The following ANKRD6 variants were observed in gnomAD, a reference collection of about 807,000 sequenced individuals.
ANKRD6 encodes the protein ankyrin repeat domain 6, also known as ankyrin repeat domain-containing protein 6.
In ANKRD6, 56 loss-of-function variants were observed where a neutral mutation model predicts 82.3. The observed-to-expected ratio is 0.68, with a 90% CI of 0.55 to 0.85. The LOEUF is 0.85. Ranked by LOEUF, ANKRD6 falls within the 40% of genes least tolerant of loss-of-function variation. The probability of loss-of-function intolerance (pLI) is 0.00; values close to 1 mark genes in which losing one functional copy is unlikely to be tolerated. For missense variants in ANKRD6, 852 were observed against 907.6 expected (o/e 0.94, Z 0.79); for synonymous variants, 347 against 352.1 (o/e 0.99, Z 0.16).
chr6:89,466,564 A>G lies in ANKRD6; in HGVS notation c.-144+33189A>G, dbSNP rs568770808. Reference sequence around the variant, plus strand: ...TCTTTGATTATAAAGAAGGCTGAATATTTTGTACGTTTTTAGCCTTTGTAT... The same window carrying G: ...TCTTTGATTATAAAGAAGGCTGAATGTTTTGTACGTTTTTAGCCTTTGTAT... On this transcript the variant is annotated intron_variant, in intron 1 of 15. Transcript: ENST00000339746. Among the ~76,000 whole-genome samples the G allele has an allele frequency of 4.6e-5, 7 of 152,252 alleles. No individual in the cohort carries two copies. The South Asian group carries it at 1.2e-3, about 27-fold the overall frequency.
chr6:89,482,848 A>G (rs567513935), intron 1 of ANKRD6, among the ~76,000 whole-genome samples: 2 of 152,320 alleles, frequency 1.3e-5, no homozygotes, highest in South Asian at 4.1e-4. Context: ...TACCTACTCC[A>G]CTAGGTAGAA....
chr6:89,618,921 G>A (rs992656630), intron 9 of ANKRD6, among the ~76,000 whole-genome samples: 1 of 152,148 alleles, frequency 6.6e-6, no homozygotes, highest in Non-Finnish European at 1.5e-5. Flanking sequence ...AGCAAACACT[G>A]ATTGGCTTTC....
At chr6:89,468,355 G>T (rs944322410) in intron 1 of ANKRD6, among the ~76,000 whole-genome samples, 2 of 152,050 alleles carry the variant, frequency 1.3e-5, no homozygotes, top group African/African-American at 4.8e-5. Flanking sequence ...AATCAGCAGA[G>T]CACAAATCAA....
intron 1 of ANKRD6, among the ~76,000 whole-genome samples, chr6:89,560,011 A>G (rs1452498726): frequency 6.6e-6 from 1 of 152,214 alleles, no homozygotes; most frequent in Non-Finnish European, 1.5e-5. Flanking sequence ...AATGGACATT[A>G]AAGGCCATCT....
At chr6:89,541,111 T>A (rs1330440407) in intron 1 of ANKRD6, among the ~76,000 whole-genome samples, 1 of 152,130 alleles carries the variant, frequency 6.6e-6, no homozygotes, top group Non-Finnish European at 1.5e-5. Flanking sequence ...CTACTCTGGG[T>A]CTTTTGTGGT....
chr6:89,444,650 T>C (rs550982833), intron 1 of ANKRD6, among the ~76,000 whole-genome samples: 1 of 152,334 alleles, frequency 6.6e-6, no homozygotes, highest in East Asian at 1.9e-4. Flanking sequence ...TTTCAAAAAC[T>C]GTTTATTAAT....
At chr6:89,444,359 A>T (rs1228431900) in intron 1 of ANKRD6, among the ~76,000 whole-genome samples, 1 of 152,222 alleles carries the variant, frequency 6.6e-6, no homozygotes, top group Non-Finnish European at 1.5e-5. Flanking sequence ...AAACAGAAAA[A>T]GTTAAAACTT....
intron 14 of ANKRD6, among the ~76,000 whole-genome samples, chr6:89,628,606 A>C (rs1806486065): frequency 6.6e-6 from 1 of 152,088 alleles, no homozygotes. Flanking sequence ...CACCTCTACT[A>C]AGGATACAAA....
At chr6:89,623,827 C>G (rs762536809) in intron 11 of ANKRD6, 45 bp from the exon 12 acceptor site, 4 of 1,568,196 alleles carry the variant, frequency 2.6e-6, no homozygotes, top group South Asian at 1.2e-5. Context: ...GTCAGTCTTG[C>G]AGAGGTCAAA....
intron 1 of ANKRD6, among the ~76,000 whole-genome samples, chr6:89,538,953 C>T (rs565008828): frequency 3.7e-4 from 56 of 152,066 alleles, no homozygotes; most frequent in African/African-American, 1.3e-3. Flanking sequence ...TGACATATTC[C>T]ATAATTTGAT....
intron 4 of ANKRD6, among the ~76,000 whole-genome samples, chr6:89,603,923 G>A (rs1414726840): frequency 1.3e-5 from 2 of 152,218 alleles, no homozygotes; most frequent in African/African-American, 4.8e-5. Flanking sequence ...GGATTGCTAA[G>A]CCCAGGAGGT....
At chr6:89,509,956 C>A (rs1394991300) in intron 1 of ANKRD6, among the ~76,000 whole-genome samples, 1 of 152,212 alleles carries the variant, frequency 6.6e-6, no homozygotes, top group African/African-American at 2.4e-5. Flanking sequence ...CTTTTCAAAG[C>A]TTTCTGTTTT....
chr6:89,623,458 AG>A lies in ANKRD6; in HGVS notation c.947del (p.Arg316LysfsTer89). 1 of 1,610,006 alleles carries A rather than the reference AG, an allele frequency of 6.2e-7. No individual in the cohort carries two copies. Among genetic ancestry groups the A allele is most frequent in the South Asian group, 1.1e-5 (1 of 90,210 alleles). On this transcript the variant is annotated frameshift_variant, in exon 11 of 16. Coordinates refer to ENST00000339746, the MANE Select transcript of ANKRD6 (RefSeq NM_001242809.2). LOFTEE classifies it high-confidence loss of function. The part of the protein sequence containing the change: ...DTPSSEQAVA[R>X]KEEAREEFLS... ...CCCCAGCAGTGAACAGGCTGTGGCC[AG>A]AAAAGAAGAAGCCAGAGAAGAGTTC...
intron 5 of ANKRD6, among the ~76,000 whole-genome samples, chr6:89,607,447 T>A (rs1583698253): frequency 6.6e-6 from 1 of 152,270 alleles, no homozygotes; most frequent in South Asian, 2.1e-4. Context: ...TTAAAGAACA[T>A]CACAAAGAGA....
chr6:89,523,057 C>G (rs547357810), intron 1 of ANKRD6, among the ~76,000 whole-genome samples: 1 of 152,232 alleles, frequency 6.6e-6, no homozygotes, highest in East Asian at 1.9e-4. Flanking sequence ...ACAGCAGATT[C>G]CCTCCTGAGA....
rs61548190 is a variant in ANKRD6 at position 89,532,877 on chromosome 6, ATT to A, written c.-143-33943_-143-33942del. Among the ~76,000 whole-genome samples, 669 of 123,140 alleles carry A rather than the reference ATT, an allele frequency of 5.4e-3. 7 individuals are homozygous for A. Among genetic ancestry groups the A allele is most frequent in the African/African-American group, 0.017 (567 of 33,382 alleles). The allele number at this position is 123,140 out of a possible 152,430, so 80.8% of individuals were successfully genotyped here. The stretch of plus-strand genomic sequence containing the variant: ...CCACCATGTCCAGCTGATTTTTTGT[ATT>A]TTTTTTTTTTTTTGAGATGGAGTCT... On this transcript the variant is annotated intron_variant, in intron 1 of 15. Transcript: ENST00000339746.
chr6:89,611,232 A>G (rs901161823), intron 5 of ANKRD6, among the ~76,000 whole-genome samples: 14 of 151,572 alleles, frequency 9.2e-5, no homozygotes, highest in African/African-American at 3.4e-4. Context: ...ATACTGGAGT[A>G]TCGGCAGCCA....
At position 89,622,044 on chromosome 6, in the gene ANKRD6, C is replaced by A; in HGVS notation, c.897+18C>A. On this transcript the variant is annotated intron_variant, in intron 10 of 15. Coordinates refer to ENST00000339746, the MANE Select transcript of ANKRD6 (RefSeq NM_001242809.2). ...AAAGCAAGGTGGGGGGCAGTCCTCC[C>A]GCCGTCCCCACATCCACCCATGCTC... 1 of 1,607,340 alleles carries A rather than the reference C, an allele frequency of 6.2e-7. No homozygotes were observed. The highest frequency in any genetic ancestry group is 8.5e-7 in the Non-Finnish European group (1 of 1,176,368).
intron 1 of ANKRD6, among the ~76,000 whole-genome samples, chr6:89,533,356 A>G (rs1327035732): frequency 6.6e-6 from 1 of 152,194 alleles, no homozygotes; most frequent in Non-Finnish European, 1.5e-5. Context: ...TAAAATAATA[A>G]TGAGTGTAAC....
Sources: allele counts gnomAD v4.1 joint callset (sites outside exome capture counted in the v4.1 genomes callset), GRCh38; gene constraint gnomAD v4.1.1; transcripts MANE v1.5; gene names NCBI Gene and HGNC (gene_info 2026-07-23, HGNC 2026-07-21).